GARIN1A: variants seen among roughly 807,000 people sequenced by gnomAD.
The protein encoded by GARIN1A is golgi associated RAB2 interactor 1A.
the GARIN1A span, among the ~76,000 whole-genome samples, chr7:128,696,041 C>G: frequency 8.5e-6 from 1 of 117,286 alleles, no homozygotes; most frequent in South Asian, 2.9e-4. Flanking sequence ...TTGACAAGGT[C>G]TCACTCTATC....
the GARIN1A span, among the ~76,000 whole-genome samples, chr7:128,700,371 C>T: frequency 1.3e-5 from 2 of 151,682 alleles, no homozygotes; most frequent in Non-Finnish European, 1.5e-5. Flanking sequence ...ACCTGTGCCA[C>T]CAGGGTTCAA....
the GARIN1A span, among the ~76,000 whole-genome samples, chr7:128,676,137 C>G: frequency 0.15 from 23,100 of 150,646 alleles, 1,992 homozygotes; most frequent in East Asian, 0.37. Flanking sequence ...CACCGAGTAG[C>G]TGGGACTACA....
chr7:128,683,387 T>G, the GARIN1A span: 1 of 371,024 alleles, frequency 2.7e-6, no homozygotes, highest in East Asian at 4.3e-5. Context: ...CAGGAGCAGT[T>G]TTTGGAAAAA....
the GARIN1A span, among the ~76,000 whole-genome samples, chr7:128,704,699 C>G: frequency 6.6e-6 from 1 of 152,186 alleles, no homozygotes; most frequent in South Asian, 2.1e-4. Flanking sequence ...CGCCGCTGAT[C>G]TGACAGGAGG....
chr7:128,689,037 G>C, the GARIN1A span, among the ~76,000 whole-genome samples: 2 of 151,762 alleles, frequency 1.3e-5, no homozygotes, highest in Non-Finnish European at 2.9e-5. Context: ...TCCTAACCTC[G>C]AGTGATCCGC....
At chr7:128,678,799 C>CA in the GARIN1A span, among the ~76,000 whole-genome samples, 294 of 80,586 alleles carry the variant, frequency 3.6e-3, no homozygotes, top group South Asian at 6.5e-3. Flanking sequence ...AACTCCATCT[C>CA]AAAAAAAAAA....
At chr7:128,684,087 A>G in the GARIN1A span, 3 of 152,220 alleles carry the variant, frequency 2.0e-5, no homozygotes, top group Non-Finnish European at 4.4e-5. Flanking sequence ...TTGGGCAGGG[A>G]GACAGATCCA....
the GARIN1A span, among the ~76,000 whole-genome samples, chr7:128,689,195 G>C: frequency 6.6e-6 from 1 of 152,172 alleles, no homozygotes; most frequent in Non-Finnish European, 1.5e-5. Flanking sequence ...CCAAAGTGCC[G>C]AGATTGCAGC....
the GARIN1A span, among the ~76,000 whole-genome samples, chr7:128,706,706 C>T: frequency 2.6e-5 from 4 of 152,252 alleles, no homozygotes; most frequent in African/African-American, 7.2e-5. Context: ...CTCCCTCACC[C>T]GCCACCGCCC....
chr7:128,672,222 G>T, the GARIN1A span: 5 of 534,130 alleles, frequency 9.4e-6, no homozygotes, highest in Admixed American at 3.5e-5. Context: ...CACATTCCTT[G>T]ATGTCATTCC....
the GARIN1A span, among the ~76,000 whole-genome samples, chr7:128,694,674 G>A: frequency 1.3e-5 from 2 of 152,288 alleles, no homozygotes; most frequent in Admixed American, 6.5e-5. Context: ...TTTCCTCTCT[G>A]AGCATAAGAA....
the GARIN1A span, among the ~76,000 whole-genome samples, chr7:128,679,189 T>C: frequency 6.6e-6 from 1 of 151,880 alleles, no homozygotes. Flanking sequence ...AATTGATTTG[T>C]AAAATTAAAC....
the GARIN1A span, among the ~76,000 whole-genome samples, chr7:128,692,570 A>G: frequency 2.0e-5 from 3 of 152,236 alleles, no homozygotes; most frequent in Admixed American, 1.3e-4. Context: ...AATCCCCAAG[A>G]CAATGTAAAA....
At chr7:128,680,727 G>T in the GARIN1A span, among the ~76,000 whole-genome samples, 1 of 151,978 alleles carries the variant, frequency 6.6e-6, no homozygotes, top group Non-Finnish European at 1.5e-5. Flanking sequence ...ACCACACCCG[G>T]CTAATTTTTT....
the GARIN1A span, among the ~76,000 whole-genome samples, chr7:128,698,545 T>TA: frequency 6.6e-6 from 1 of 152,168 alleles, no homozygotes; most frequent in Non-Finnish European, 1.5e-5. Context: ...CCTGCCTAGA[T>TA]ACCTGTTCTG....
chr7:128,677,609 C>T, the GARIN1A span: 1 of 1,613,424 alleles, frequency 6.2e-7, no homozygotes, highest in Non-Finnish European at 8.5e-7. Flanking sequence ...ACGACCGGCT[C>T]CAGCGCATCC....
the GARIN1A span, among the ~76,000 whole-genome samples, chr7:128,696,022 T>C: frequency 7.2e-6 from 1 of 138,204 alleles, no homozygotes; most frequent in African/African-American, 2.7e-5. Flanking sequence ...TTTTTTTTTT[T>C]TTTTTTTTTT....
chr7:128,677,591 A>T, the GARIN1A span: 1 of 1,611,052 alleles, frequency 6.2e-7, no homozygotes, highest in Non-Finnish European at 8.5e-7. Context: ...ACGTGGAGCT[A>T]CGAATCTACG....
At chr7:128,704,916 T>A in the GARIN1A span, among the ~76,000 whole-genome samples, 1 of 152,222 alleles carries the variant, frequency 6.6e-6, no homozygotes, top group Non-Finnish European at 1.5e-5. Flanking sequence ...TACATTATAA[T>A]GTTCAGCATA....
Sources: gnomAD v4.1 joint callset for allele counts (sites outside exome capture counted in the v4.1 genomes callset) on GRCh38, gnomAD v4.1.1 for gene constraint, MANE v1.5 for transcripts, NCBI Gene and HGNC (gene_info 2026-07-23, HGNC 2026-07-21) for gene names.